The following SV2B variants were observed in gnomAD, a reference collection of about 807,000 sequenced individuals.
SV2B encodes the protein solute carrier family 22 member B2.
A neutral mutation model predicts 73.9 loss-of-function variants in SV2B; 41 were observed. That is an observed-to-expected ratio of 0.56 (90% confidence interval 0.43 to 0.72). SV2B has a LOEUF of 0.72. Among genes scored for constraint, SV2B ranks in the 30% least tolerant of loss-of-function variants. SV2B has a pLI of 0.00. For synonymous variants in SV2B, 314 were observed against 314.2 expected (o/e 1.00, Z 0.01); for missense variants, 764 against 857.8 (o/e 0.89, Z 1.37).
At position 91,140,526 on chromosome 15, in the gene SV2B, TG is replaced by T. The variant is rs2042967988; in HGVS notation, c.-392+40165del. 6.6e-6 allele frequency among the ~76,000 whole-genome samples: 1 copy of T among 152,208 alleles called. No individual in the cohort carries two copies. Among genetic ancestry groups the T allele is most frequent in the Admixed American group, 6.5e-5 (1 of 15,290 alleles). ...CTTCCCACACACTTCTGGCTGAAAC[TG>T]GCCCCTAGTTAGCACTAGCTCATTC... On this transcript the variant is annotated intron_variant, in intron 1 of 12. Transcript: ENST00000394232. The surrounding 1 kb of genome is among the most constrained non-coding windows in gnomAD (Gnocchi z 4.4).
At chr15:91,254,395 C>A (rs901343282) in intron 4 of SV2B, among the ~76,000 whole-genome samples, 9 of 152,056 alleles carry the variant, frequency 5.9e-5, no homozygotes, top group African/African-American at 1.9e-4. Context: ...TGCCACCACA[C>A]CCAGCTAATT....
chr15:91,176,844 CT>C (rs1461911660), intron 1 of SV2B, among the ~76,000 whole-genome samples: 2 of 151,884 alleles, frequency 1.3e-5, no homozygotes, highest in Non-Finnish European at 2.9e-5. Context: ...TGTAGGTTGC[CT>C]TTTCACTCTG....
chr15:91,145,969 A>C (rs1420859263), intron 1 of SV2B, among the ~76,000 whole-genome samples: 1 of 152,196 alleles, frequency 6.6e-6, no homozygotes, highest in Non-Finnish European at 1.5e-5. Context: ...TTTGCTGTGC[A>C]GAAGCTCTTT....
chr15:91,161,469 A>T (rs1158937715), intron 1 of SV2B, among the ~76,000 whole-genome samples: 1 of 152,230 alleles, frequency 6.6e-6, no homozygotes, highest in Admixed American at 6.5e-5. Context: ...ATGGTAAAAG[A>T]TTTTAAAATG....
intron 9 of SV2B, among the ~76,000 whole-genome samples, chr15:91,274,515 G>C (rs1596760744): frequency 6.6e-6 from 1 of 152,148 alleles, no homozygotes; most frequent in Non-Finnish European, 1.5e-5. Context: ...AGGTGCGGTA[G>C]TTCTTGTTTT....
chr15:91,247,949 TTTATTA>T lies in SV2B; in HGVS notation c.452-3861_452-3856del, dbSNP rs569274462. Among the ~76,000 whole-genome samples the T allele has an allele frequency of 3.7e-4, 57 of 152,164 alleles. 1 individual carries two copies. Among genetic ancestry groups the T allele is most frequent in the Non-Finnish European group, 7.6e-4 (52 of 68,028 alleles). ...AAGCCACTTTTTTGTTAAGGATATC[TTTATTA>T]TTATTATTCGATTCTTTTTAAAGTC... On this transcript the variant is annotated intron_variant, in intron 2 of 12. Transcript: ENST00000394232.
rs117764511 is a variant in SV2B, at chr15:91,145,020, C to T, written c.-392+44657C>T. Among the ~76,000 whole-genome samples the T allele has an allele frequency of 5.3e-3, 812 of 151,842 alleles. 5 individuals carry two copies. The highest frequency in any genetic ancestry group is 0.019 in the African/African-American group (768 of 41,386). ...TTTATTTTAAGTTCAGGGGTACATG[C>T]GCAGGTCTGTTATACAGGTAAACTT... On this transcript the variant is annotated intron_variant, in intron 1 of 12. Transcript: ENST00000394232.
In SV2B at chr15:91,236,474, G is replaced by A. The variant is rs2046785923; in HGVS notation, c.451+9760G>A. Among the ~76,000 whole-genome samples, 1 of 152,146 alleles carries A rather than the reference G, an allele frequency of 6.6e-6. No individual in the cohort carries two copies. The highest frequency in any genetic ancestry group is 6.5e-5 in the Admixed American group (1 of 15,278). On this transcript the variant is annotated intron_variant, in intron 2 of 12. Transcript: ENST00000394232. The surrounding 1 kb of genome is among the most constrained non-coding windows in gnomAD (Gnocchi z 4.1). ...ATGGGAGGAATTCTTAAGTAAACTG[G>A]CATATTTACTGAGAATGGAGGTGGA...
At chr15:91,111,066 A>C (rs2042022220) in intron 1 of SV2B, among the ~76,000 whole-genome samples, 1 of 151,766 alleles carries the variant, frequency 6.6e-6, no homozygotes, top group Admixed American at 6.6e-5. Flanking sequence ...GGCGCCGCCC[A>C]CGTCTGTGGC....
chr15:91,151,097 C>T (rs1234220701), intron 1 of SV2B, among the ~76,000 whole-genome samples: 1 of 152,226 alleles, frequency 6.6e-6, no homozygotes, highest in Non-Finnish European at 1.5e-5. Context: ...TCACCATGAG[C>T]GTGGAGCTCT....
chr15:91,241,148 C>T lies in SV2B; in HGVS notation c.452-10671C>T, dbSNP rs900821667. 1.1e-4 allele frequency among the ~76,000 whole-genome samples: 17 copies of T among 152,160 alleles called. No homozygotes were observed. Among genetic ancestry groups the T allele is most frequent in the Admixed American group, 7.2e-4 (11 of 15,270 alleles). Reference sequence around the variant, plus strand: ...AGTGATTTCCATTATCCTGGTCTGTCGTTTCCTTAAAGTCCTCTCCAATCT... The same window carrying T: ...AGTGATTTCCATTATCCTGGTCTGTTGTTTCCTTAAAGTCCTCTCCAATCT... On this transcript the variant is annotated intron_variant, in intron 2 of 12. Coordinates refer to ENST00000394232, the MANE Select transcript of SV2B (RefSeq NM_001323032.3). The surrounding 1 kb of genome is among the most constrained non-coding windows in gnomAD (Gnocchi z 4.8).
rs1435490858 is a variant in SV2B at position 91,292,648 on chromosome 15, G to A, written c.*96G>A. 1.7e-5 allele frequency: 24 copies of A among 1,423,312 alleles called. No homozygotes were observed. Among genetic ancestry groups the A allele is most frequent in the Non-Finnish European group, 2.3e-5 (24 of 1,063,644 alleles). 88.2% of individuals were successfully genotyped at this position (1,423,312 alleles called of 1,614,324 possible). The stretch of plus-strand genomic sequence containing the variant: ...CTATCACGGTCCGGAGGACACCTTG[G>A]ATAGCACGGGAGGAGAAGTTGACTT... On this transcript the variant is annotated 3_prime_UTR_variant, in exon 13 of 13. Transcript: ENST00000394232.
At position 91,296,697 on chromosome 15, in the gene SV2B, C is replaced by T. The variant is rs554947545; in HGVS notation, c.*4145C>T. 1 of 147,930 alleles carries T rather than the reference C, an allele frequency of 6.8e-6. No individual in the cohort carries two copies. The highest frequency in any genetic ancestry group is 1.5e-5 in the Non-Finnish European group (1 of 68,546). The allele number at this position is 147,930 out of a possible 1,614,324, so 9.2% of individuals were successfully genotyped here. On this transcript the variant is annotated 3_prime_UTR_variant, in exon 13 of 13. Transcript: ENST00000394232. ...CTGCCTGATCATTGGGAGCACACTCCTTCTGCCTGATCATGGGCACACGCT... is the reference window on the plus strand; with the variant it reads ...CTGCCTGATCATTGGGAGCACACTCTTTCTGCCTGATCATGGGCACACGCT...
chr15:91,190,980 C>T lies in SV2B; in HGVS notation c.-391-34893C>T, dbSNP rs2044989414. Among the ~76,000 whole-genome samples, 4 of 150,864 alleles carry T rather than the reference C, an allele frequency of 2.7e-5. No individual in the cohort carries two copies. The South Asian group carries it at 6.3e-4, about 24-fold the overall frequency. On this transcript the variant is annotated intron_variant, in intron 1 of 12. Transcript: ENST00000394232. ...GTTTTGTCTACCTTTATTTATCATA[C>T]CTCTGTCCTTATGATAATTTTTGCC...
rs35575298 is a variant in SV2B at position 91,226,487 on chromosome 15, G to A, written c.224G>A (p.Arg75Gln). Residue 75 changes from arginine (R) to glutamine (Q), a missense_variant, in exon 2 of 13, where the codon CGG becomes CAG. Transcript: ENST00000394232. ...GCGCCCTCCAGAATGGACAGCCTTC[G>A]GGGCCAGACAGACCTGATGGCTGAG... ...KMAPSRMDSL[R>Q]GQTDLMAERL... The A allele has an allele frequency of 4.6e-5, 74 of 1,614,042 alleles. No individual in the cohort carries two copies. Among genetic ancestry groups the A allele is most frequent in the Middle Eastern group, 3.3e-4 (2 of 6,084 alleles).
intron 1 of SV2B, among the ~76,000 whole-genome samples, chr15:91,113,527 G>C (rs563255269): frequency 6.6e-6 from 1 of 152,248 alleles, no homozygotes; most frequent in African/African-American, 2.4e-5. Flanking sequence ...AAGATTAAAA[G>C]GTTATAGCTG....
Position 91,120,583 on chromosome 15 carries a change from G to A in SV2B, c.-392+20220G>A, listed in dbSNP as rs1041686641. 2.0e-5 allele frequency among the ~76,000 whole-genome samples: 3 copies of A among 152,076 alleles called. 1 individual carries two copies. The South Asian group carries it at 6.2e-4, about 32-fold the overall frequency. The stretch of plus-strand genomic sequence containing the variant: ...AATCTCAGCAGTTTGGGAGGCTGAG[G>A]CAGGCAGATCCCTTGAGCCCGAAAG... On this transcript the variant is annotated intron_variant, in intron 1 of 12. Transcript: ENST00000394232.
chr15:91,110,941 A>G lies in SV2B; in HGVS notation c.-392+10578A>G, dbSNP rs893174661. On this transcript the variant is annotated intron_variant, in intron 1 of 12. Coordinates refer to ENST00000394232, the MANE Select transcript of SV2B (RefSeq NM_001323032.3). This position sits in a 1 kb window ranked among gnomAD's most constrained non-coding sequence, Gnocchi z 5.4. Reference sequence around the variant, plus strand: ...AGTAGCTTGAAACTTAAGGCAAAGAAGAGAAACTCAAATGGGACAATGGAG... The same window carrying G: ...AGTAGCTTGAAACTTAAGGCAAAGAGGAGAAACTCAAATGGGACAATGGAG... Among the ~76,000 whole-genome samples, 3 of 152,236 alleles carry G rather than the reference A, an allele frequency of 2.0e-5. No homozygotes were observed. The highest frequency in any genetic ancestry group is 7.2e-5 in the African/African-American group (3 of 41,468).
chr15:91,169,339 T>C (rs886829034), intron 1 of SV2B, among the ~76,000 whole-genome samples: 1 of 152,178 alleles, frequency 6.6e-6, no homozygotes, highest in African/African-American at 2.4e-5. Context: ...CTCCTGCATG[T>C]GGCCAGCATG....
Sources: gnomAD v4.1 joint callset for allele counts (sites outside exome capture counted in the v4.1 genomes callset) on GRCh38, gnomAD v4.1.1 for gene constraint, Gnocchi (gnomAD v3.1) non-coding constraint, MANE v1.5 for transcripts, NCBI Gene and HGNC (gene_info 2026-07-23, HGNC 2026-07-21) for gene names.